ZFHX3: variants seen among roughly 807,000 people sequenced by gnomAD.
The protein encoded by ZFHX3 is zinc finger homeobox protein 3.
ZFHX3 carries 42 observed loss-of-function variants against 279.1 expected under a neutral mutation model. That is an observed-to-expected ratio of 0.15 (90% CI 0.12 to 0.19). ZFHX3 has a LOEUF of 0.19. Ranked by LOEUF, ZFHX3 falls within the 10% of genes least tolerant of loss-of-function variation. The pLI is 1.00. For synonymous variants in ZFHX3, 2,293 were observed against 1,957.8 expected, an observed-to-expected ratio of 1.17 and a Z score of -4.52; for missense variants, 4,981 against 4,754.0, an observed-to-expected ratio of 1.05 and a Z score of -1.40.
chr16:72,928,184 A>G (rs1187222162), intron 3 of ZFHX3, among the ~76,000 whole-genome samples: 1,870 of 7,986 alleles, frequency 0.23, 456 homozygotes, highest in African/African-American at 0.37. Flanking sequence ...GAGGGGAGAG[A>G]GGGAGGGGGA....
intron 5 of ZFHX3, among the ~76,000 whole-genome samples, chr16:73,248,591 G>A (rs1369272150): frequency 1.3e-5 from 2 of 151,120 alleles, no homozygotes; most frequent in Admixed American, 1.3e-4. Context: ...ATGTGCATGT[G>A]TGTATGTCCT....
chr16:73,281,624 A>G (rs1226000978), intron 4 of ZFHX3, among the ~76,000 whole-genome samples: 1 of 152,222 alleles, frequency 6.6e-6, no homozygotes, highest in East Asian at 1.9e-4. Context: ...AAGTGATCTT[A>G]ACAAAACAAA....
intron 9 of ZFHX3, among the ~76,000 whole-genome samples, chr16:72,792,827 T>C (rs1567512113): frequency 6.6e-6 from 1 of 152,216 alleles, no homozygotes; most frequent in Non-Finnish European, 1.5e-5. Flanking sequence ...TTGATTTAAA[T>C]GCTCTTGGAC....
chr16:73,811,163 G>T (rs2142336744), intron 1 of ZFHX3, among the ~76,000 whole-genome samples: 1 of 152,210 alleles, frequency 6.6e-6, no homozygotes, highest in South Asian at 2.1e-4. Flanking sequence ...CTAACATTTT[G>T]TTAATATTTT....
At chr16:73,293,600 T>G (rs576487994) in intron 4 of ZFHX3, among the ~76,000 whole-genome samples, 2 of 151,982 alleles carry the variant, frequency 1.3e-5, no homozygotes, top group African/African-American at 4.8e-5. Flanking sequence ...ATTAAAGGAG[T>G]GTGGATTTTG....
At chr16:73,159,221 A>T (rs938175973) in intron 5 of ZFHX3, among the ~76,000 whole-genome samples, 1 of 152,256 alleles carries the variant, frequency 6.6e-6, no homozygotes, top group Admixed American at 6.5e-5. Flanking sequence ...AGGAACTTAA[A>T]CAAACAAATT....
chr16:73,632,420 C>T (rs146327461), intron 2 of ZFHX3, among the ~76,000 whole-genome samples: 278 of 152,206 alleles, frequency 1.8e-3, no homozygotes, highest in African/African-American at 5.8e-3. Context: ...CGGTGGCTCA[C>T]GCCTGTAATC....
intron 2 of ZFHX3, among the ~76,000 whole-genome samples, chr16:72,951,947 A>G (rs1219805405): frequency 6.6e-6 from 1 of 152,226 alleles, no homozygotes; most frequent in Non-Finnish European, 1.5e-5. Flanking sequence ...GTGCATCTCT[A>G]AAGCAAAGAT....
chr16:73,379,655 T>C (rs1343228944), intron 3 of ZFHX3, among the ~76,000 whole-genome samples: 1 of 152,202 alleles, frequency 6.6e-6, no homozygotes, highest in Non-Finnish European at 1.5e-5. Flanking sequence ...AGGACCCTGC[T>C]GGTCTTTTCT....
chr16:73,345,160 T>C (rs908035820), intron 3 of ZFHX3, among the ~76,000 whole-genome samples: 2 of 152,242 alleles, frequency 1.3e-5, no homozygotes, highest in African/African-American at 4.8e-5. Flanking sequence ...ACGGAAATAT[T>C]ATCCAATTAG....
rs1474476192 is a variant in ZFHX3, at chr16:73,047,858, C to G, written c.-156G>C. 6.6e-6 allele frequency: 1 copy of G among 152,374 alleles called. No homozygotes were observed. The highest frequency in any genetic ancestry group is 1.5e-5 in the Non-Finnish European group (1 of 68,192). The allele number at this position is 152,374 out of a possible 1,614,324, so 9.4% of individuals were successfully genotyped here. ...GGAAATTCCAGTGGCACCCGAGCCCCGAGCTCACCCACCCCAGGCGGCATG... is the reference window on the plus strand; with the variant it reads ...GGAAATTCCAGTGGCACCCGAGCCCGGAGCTCACCCACCCCAGGCGGCATG... On this transcript the variant is annotated 5_prime_UTR_variant, in exon 1 of 10. Transcript: ENST00000268489.
At chr16:73,357,950 G>A (rs944766304) in intron 3 of ZFHX3, among the ~76,000 whole-genome samples, 6 of 152,182 alleles carry the variant, frequency 3.9e-5, no homozygotes, top group African/African-American at 4.8e-5. Context: ...ACCCAGCAAC[G>A]TCTGGATCTC....
chr16:72,980,465 A>C (rs1962542699), intron 1 of ZFHX3, among the ~76,000 whole-genome samples: 1 of 152,136 alleles, frequency 6.6e-6, no homozygotes, highest in Non-Finnish European at 1.5e-5. Context: ...TCATGTTAAT[A>C]ATGTCAGTTT....
chr16:73,838,723 A>G (rs182989848), intron 1 of ZFHX3, among the ~76,000 whole-genome samples: 1 of 151,762 alleles, frequency 6.6e-6, no homozygotes, highest in Admixed American at 6.6e-5. Flanking sequence ...CTGCAAGTCA[A>G]CTGCTACTGT....
At position 73,325,928 on chromosome 16, in the gene ZFHX3, A is replaced by AAAAACACACACAC. The variant is rs368062772; in HGVS notation, c.-1290-7593_-1290-7592insGTGTGTGTGTTTT. Among the ~76,000 whole-genome samples, 414 of 145,566 alleles carry AAAAACACACACAC rather than the reference A, an allele frequency of 2.8e-3. 2 individuals are homozygous for AAAAACACACACAC. The highest frequency in any genetic ancestry group is 4.5e-3 in the East Asian group (22 of 4,882). Reference sequence around the variant, plus strand: ...ACACACACACACACACACACACACAAACACACACACACACACACACACAGG... The same window carrying AAAAACACACACAC: ...ACACACACACACACACACACACACAAAAAACACACACACACACACACACACACACACACACAGG... On this transcript the variant is annotated intron_variant, in intron 3 of 17. Coordinates refer to the ZFHX3 transcript ENST00000641206.
intron 1 of ZFHX3, among the ~76,000 whole-genome samples, chr16:73,845,445 A>T (rs1165468625): frequency 6.6e-6 from 1 of 152,094 alleles, no homozygotes; most frequent in African/African-American, 2.4e-5. Context: ...GTGGATTTTA[A>T]ATATAAAGAG....
chr16:73,398,498 TA>T (rs1291788739), intron 3 of ZFHX3, among the ~76,000 whole-genome samples: 1 of 152,212 alleles, frequency 6.6e-6, no homozygotes, highest in Non-Finnish European at 1.5e-5. Flanking sequence ...AGCTGTTTGT[TA>T]AATTTTCAGG....
intron 2 of ZFHX3, among the ~76,000 whole-genome samples, chr16:73,650,552 C>T (rs1449424847): frequency 6.6e-6 from 1 of 152,066 alleles, no homozygotes; most frequent in African/African-American, 2.4e-5. Flanking sequence ...ATAATAATTC[C>T]TTGATTAGAA....
chr16:73,001,513 AT>A (rs1421727002), intron 1 of ZFHX3, among the ~76,000 whole-genome samples: 1 of 152,136 alleles, frequency 6.6e-6, no homozygotes. Flanking sequence ...CATTTTGCAA[AT>A]GAAAAGATAT....
Sources: gnomAD v4.1 joint callset for allele counts (sites outside exome capture counted in the v4.1 genomes callset) on GRCh38, gnomAD v4.1.1 for gene constraint, MANE v1.5 for transcripts, NCBI Gene and HGNC (gene_info 2026-07-23, HGNC 2026-07-21) for gene names.